The following PRR14 variants were observed in gnomAD, a reference collection of about 807,000 sequenced individuals.
PRR14 encodes proline rich 14, also known as proline-rich protein 14.
Under a neutral mutation model 57.2 loss-of-function variants are expected in PRR14, and 33 were observed. The observed-to-expected ratio is 0.58, with a 90% CI of 0.44 to 0.77. The LOEUF is 0.77. Ranked by LOEUF, PRR14 falls within the 30% of genes least tolerant of loss-of-function variation. The pLI, the probability that PRR14 is intolerant of heterozygous loss-of-function variation, is 0.00. For synonymous variants in PRR14, 303 were observed against 314.7 expected, an observed-to-expected ratio of 0.96 and a Z score of 0.39; for missense variants, 716 against 788.1, an observed-to-expected ratio of 0.91 and a Z score of 1.10.
intron 6 of PRR14, among the ~76,000 whole-genome samples, chr16:30,653,701 C>G (rs893668617): frequency 6.6e-6 from 1 of 152,164 alleles, no homozygotes; most frequent in African/African-American, 2.4e-5. Context: ...AGTTTTTGCT[C>G]TGTTGCCCAG....
chr16:30,654,036 G>A (rs868830533), intron 6 of PRR14, 194 bp from the exon 7 acceptor site: 10 of 588,766 alleles, frequency 1.7e-5, no homozygotes, highest in Middle Eastern at 4.5e-4. Flanking sequence ...GGCTGAGGTG[G>A]GAGGACTGCC....
intron 3 of PRR14, 150 bp from the exon 4 acceptor site, chr16:30,652,571 G>A (rs2052324055): frequency 1.0e-6 from 1 of 961,922 alleles, no homozygotes; most frequent in African/African-American, 1.6e-5. Flanking sequence ...CCCTAATTCA[G>A]TCCAATTCAT....
intron 5 of PRR14, 76 bp from the exon 6 acceptor site, chr16:30,653,289 G>A: frequency 6.6e-7 from 1 of 1,518,448 alleles, no homozygotes. Context: ...AGCTATCCGG[G>A]AACTGAAAGA....
chr16:30,655,652 C>T lies in PRR14; in HGVS notation c.1406+59C>T. On this transcript the variant is annotated intron_variant, in intron 10 of 11. Coordinates refer to ENST00000300835, the MANE Select transcript of PRR14 (RefSeq NM_024031.5). This position sits in a 1 kb window ranked among gnomAD's most constrained non-coding sequence, Gnocchi z 4.6. ...CCAAACAGATGCAGGCTTATGTCCC[C>T]TGAAGTATAGCTTTGTCTCCCCTCA... is the stretch of plus-strand genomic sequence containing the variant. 6.7e-7 allele frequency: 1 copy of T among 1,497,360 alleles called. No individual in the cohort carries two copies. Among genetic ancestry groups the T allele is most frequent in the Non-Finnish European group, 9.3e-7 (1 of 1,076,526 alleles). The allele number at this position is 1,497,360 out of a possible 1,614,324, so 92.8% of individuals were successfully genotyped here. A position where few individuals can be genotyped will look rare whatever the true frequency, so the allele number is the denominator to read the frequency against.
chr16:30,654,722 G>A lies in PRR14; in HGVS notation c.752G>A (p.Arg251His), dbSNP rs758016362. Residue 251 changes from arginine (R) to histidine (H), a missense_variant, in exon 8 of 12, where the codon CGT (arginine) becomes CAT (histidine). Transcript: ENST00000300835. ...LSPWGLAPLF[R>H]SVRSKLESFA... ...CCCTGGGGCTTGGCCCCGCTCTTCC[G>A]TTCCGTCCGCTCCAAGCTGGAGAGC... is the stretch of plus-strand genomic sequence containing the variant. The A allele has an allele frequency of 1.5e-5, 25 of 1,613,612 alleles. No individual in the cohort carries two copies. Among genetic ancestry groups the A allele is most frequent in the Admixed American group, 8.3e-5 (5 of 59,994 alleles).
rs144165240 is a variant in PRR14, at chr16:30,652,815, G to A, written c.287G>A (p.Arg96Gln). The stretch of plus-strand genomic sequence containing the variant: ...AGGCAGCCGCCTGCCTCGCCACCCC[G>A]GCAGGCCGGGTGGTCCTCGCAGGCC... ...VHRQPPASPPRQAGWSSQARP... is the reference protein window; with the variant it reads ...VHRQPPASPPQQAGWSSQARP... The change falls in exon 4 of 12, where the codon CGG becomes CAG. Residue 96 changes from arginine (R) to glutamine (Q), a missense_variant. Physicochemically the swap from Arg to Gln is conservative, Grantham distance 43. Coordinates refer to ENST00000300835, the MANE Select transcript of PRR14 (RefSeq NM_024031.5). 3.3e-5 allele frequency: 54 copies of A among 1,614,150 alleles called. No homozygotes were observed. In the African/African-American group the frequency reaches 5.3e-4, roughly 16 times the overall value.
Position 30,655,353 on chromosome 16 carries a change from T to C in PRR14, c.1247T>C (p.Leu416Ser). ...TSFSEPAEPRLGSTKGKEPRA... is the reference protein window; with the variant it reads ...TSFSEPAEPRSGSTKGKEPRA... ...CTGAGCCTTGACCTTCTTGGCAGGT[T>C]GGGTTCAACCAAAGGGAAGGAGCCA... Residue 416 changes from leucine to serine, a missense_variant and splice_region_variant, in exon 9 of 12, where the codon TTG becomes TCG. By Grantham distance (145) the Leu-to-Ser change is moderately radical. Coordinates refer to ENST00000300835, the MANE Select transcript of PRR14 (RefSeq NM_024031.5). The surrounding 1 kb of genome is among the most constrained non-coding windows in gnomAD (Gnocchi z 4.6). The C allele has an allele frequency of 6.2e-7, 1 of 1,613,972 alleles. No homozygotes were observed. The highest frequency in any genetic ancestry group is 8.5e-7 in the Non-Finnish European group (1 of 1,180,006).
chr16:30,650,812 C>T, upstream of PRR14: 1 of 251,594 alleles, frequency 4.0e-6, no homozygotes, highest in Admixed American at 4.3e-5. Flanking sequence ...CGGCGGTGAG[C>T]AGCCCTTGGG....
In PRR14 at chr16:30,651,175, G is replaced by C. The variant is rs1322781147; in HGVS notation, c.-51+48G>C. On this transcript the variant is annotated intron_variant, in intron 1 of 11. Transcript: ENST00000300835. This position sits in a 1 kb window ranked among gnomAD's most constrained non-coding sequence, Gnocchi z 5.0. ...CCAGTCTAGGGGATCTGGTGGGATG[G>C]AGGGTCGTCGATGTATGGAGTATTG... The C allele has an allele frequency of 4.9e-6, 2 of 406,358 alleles. No individual in the cohort carries two copies. Among genetic ancestry groups the C allele is most frequent in the African/African-American group, 4.1e-5 (2 of 48,930 alleles). The allele number at this position is 406,358 out of a possible 1,614,324, so 25.2% of individuals were successfully genotyped here.
Position 30,652,045 on chromosome 16 carries a change from A to T in PRR14, c.192+81A>T, listed in dbSNP as rs918430977. 8 of 1,414,420 alleles carry T rather than the reference A, an allele frequency of 5.7e-6. No homozygotes were observed. The East Asian group carries it at 1.4e-4, about 24-fold the overall frequency. The allele number at this position is 1,414,420 out of a possible 1,614,324, so 87.6% of individuals were successfully genotyped here. A position where few individuals can be genotyped will look rare whatever the true frequency, so the allele number is the denominator to read the frequency against. ...AACTCGGGCCAGATCCCTACTGAGGATAACTGAAGTCCAAATCCATCATTG... is the reference window on the plus strand; with the variant it reads ...AACTCGGGCCAGATCCCTACTGAGGTTAACTGAAGTCCAAATCCATCATTG... On this transcript the variant is annotated intron_variant, in intron 3 of 11. Coordinates refer to ENST00000300835, the MANE Select transcript of PRR14 (RefSeq NM_024031.5).
rs2151257043 is a variant in PRR14, at chr16:30,651,631, G to A, written c.-15G>A. The A allele has an allele frequency of 6.3e-7, 1 of 1,593,352 alleles. No individual in the cohort carries two copies. The highest frequency in any genetic ancestry group is 2.3e-5 in the East Asian group (1 of 43,858). On this transcript the variant is annotated 5_prime_UTR_variant, in exon 2 of 12. Transcript: ENST00000300835. The surrounding 1 kb of genome is among the most constrained non-coding windows in gnomAD (Gnocchi z 5.0). ...GGGATTCCCCAGGGACCCCCCCGGAGCCGCCGCGTCTCCCATGGACTTGCC... is the reference window on the plus strand; with the variant it reads ...GGGATTCCCCAGGGACCCCCCCGGAACCGCCGCGTCTCCCATGGACTTGCC...
intron 7 of PRR14, 104 bp downstream of exon 7, chr16:30,654,443 C>T (rs2052345156): frequency 9.4e-7 from 1 of 1,065,108 alleles, no homozygotes; most frequent in Non-Finnish European, 1.4e-6. Flanking sequence ...TAAGCCACCT[C>T]CCAGGGCAGG....
In PRR14 at chr16:30,652,728, T is replaced by C. The variant is rs2052325501; in HGVS notation, c.200T>C (p.Val67Ala). The change falls in exon 4 of 12, where the codon GTG becomes GCG. Residue 67 changes from valine to alanine, a missense_variant. Coordinates refer to ENST00000300835, the MANE Select transcript of PRR14 (RefSeq NM_024031.5). Reference sequence around the variant, plus strand: ...CACCTCTTTCTCTTCCAGGTCCCCGTGGTGCCCTCAAAGCAGACCTCCATA... The same window carrying C: ...CACCTCTTTCTCTTCCAGGTCCCCGCGGTGCCCTCAAAGCAGACCTCCATA... ...EDVMAVHMVPVVPSKQTSIPQ... is the reference protein window; with the variant it reads ...EDVMAVHMVPAVPSKQTSIPQ... 1 of 1,614,054 alleles carries C rather than the reference T, an allele frequency of 6.2e-7. No individual in the cohort carries two copies. The highest frequency in any genetic ancestry group is 8.5e-7 in the Non-Finnish European group (1 of 1,180,034).
Position 30,656,347 on chromosome 16 carries a change from A to G in PRR14, c.*36A>G. On this transcript the variant is annotated 3_prime_UTR_variant, in exon 12 of 12. Transcript: ENST00000300835. ...TGTTGGTCATCCATCCTGAAGGGAC[A>G]GGAAACCTCCCAGGCAGTTATTTTT... 1 of 1,562,644 alleles carries G rather than the reference A, an allele frequency of 6.4e-7. No homozygotes were observed. The highest frequency in any genetic ancestry group is 1.4e-5 in the African/African-American group (1 of 72,440).
Position 30,653,097 on chromosome 16 carries a change from C to A in PRR14, c.498C>A (p.Pro166=), listed in dbSNP as rs201453506. 5 of 1,602,946 alleles carry A rather than the reference C, an allele frequency of 3.1e-6. No homozygotes were observed. The highest frequency in any genetic ancestry group is 4.3e-6 in the Non-Finnish European group (5 of 1,173,908). The change falls in exon 5 of 12, where the codon CCC becomes CCA. Residue 166 remains proline (P), a synonymous_variant. Transcript: ENST00000300835. ...AAGACATCGCCAGTCCTAGACCCCC[C>A]GCTGAGGTATGGGAACTGAGGGTAC... The part of the protein sequence containing the change: ...MLEDIASPRP[P]AEGFIDETPN...
chr16:30,656,023 C>T lies in PRR14; in HGVS notation c.1479-9C>T. 1.3e-6 allele frequency: 2 copies of T among 1,580,880 alleles called. No individual in the cohort carries two copies. On this transcript the variant is annotated splice_polypyrimidine_tract_variant and intron_variant, in intron 11 of 11. Coordinates refer to ENST00000300835, the MANE Select transcript of PRR14 (RefSeq NM_024031.5). Reference sequence around the variant, plus strand: ...TGATAAAACCAGCTCCTCTCCCTGCCTTGTTCAGGACCTTTGAGACCATCT... The same window carrying T: ...TGATAAAACCAGCTCCTCTCCCTGCTTTGTTCAGGACCTTTGAGACCATCT...
rs2052306172 is a variant in PRR14 at position 30,651,025 on chromosome 16, A to C, written c.-153A>C. On this transcript the variant is annotated 5_prime_UTR_variant, in exon 1 of 12. The change abolishes an upstream ATG in the 5' untranslated region. Transcript: ENST00000300835. This position sits in a 1 kb window ranked among gnomAD's most constrained non-coding sequence, Gnocchi z 5.0. Reference sequence around the variant, plus strand: ...CTGGGGATCTACGCTGAGTTCGGAGATGCTCCAGCTCGGGCCGCCCCTGTC... The same window carrying C: ...CTGGGGATCTACGCTGAGTTCGGAGCTGCTCCAGCTCGGGCCGCCCCTGTC... The C allele has an allele frequency of 2.2e-6, 1 of 456,196 alleles. No homozygotes were observed. The highest frequency in any genetic ancestry group is 4.4e-6 in the Non-Finnish European group (1 of 226,726). The allele number at this position is 456,196 out of a possible 1,614,324, so 28.3% of individuals were successfully genotyped here. A position where few individuals can be genotyped will look rare whatever the true frequency, so the allele number is the denominator to read the frequency against.
Position 30,654,908 on chromosome 16 carries a change from G to C in PRR14, c.938G>C (p.Arg313Pro), listed in dbSNP as rs773879830. Residue 313 changes from arginine to proline, a missense_variant, in exon 8 of 12, where the codon CGA (arginine) becomes CCA (proline). Transcript: ENST00000300835. Reference sequence around the variant, plus strand: ...CCCCGGCCCCCAATCCGCCAGTGGCGAACTCAGGACCACAATACCCCAGCA... The same window carrying C: ...CCCCGGCCCCCAATCCGCCAGTGGCCAACTCAGGACCACAATACCCCAGCA... Reference protein sequence around the residue: ...VSPRPPIRQWRTQDHNTPALL... With the variant: ...VSPRPPIRQWPTQDHNTPALL... 6.2e-7 allele frequency: 1 copy of C among 1,612,590 alleles called. No homozygotes were observed.
rs771405527 is a variant in PRR14, at chr16:30,655,104, C to G, written c.1134C>G (p.Pro378=). The change falls in exon 8 of 12, where the codon CCC becomes CCG. Residue 378 remains proline, a synonymous_variant. Transcript: ENST00000300835. The surrounding 1 kb of genome is among the most constrained non-coding windows in gnomAD (Gnocchi z 4.6). ...CCCGAGCCCCGCCACCCCCTCGGCC[C>G]TGTCTCCGGAAAGAGGTCTTCCCTC... ...EMARAPPPPR[P]CLRKEVFPLG... The G allele has an allele frequency of 1.9e-6, 3 of 1,611,998 alleles. No individual in the cohort carries two copies. The highest frequency in any genetic ancestry group is 1.3e-5 in the African/African-American group (1 of 75,064).
Sources: gnomAD v4.1 joint callset for allele counts (sites outside exome capture counted in the v4.1 genomes callset) on GRCh38, gnomAD v4.1.1 for gene constraint, Gnocchi (gnomAD v3.1) non-coding constraint, MANE v1.5 for transcripts, NCBI Gene and HGNC (gene_info 2026-07-23, HGNC 2026-07-21) for gene names.